RYR3: variants seen among roughly 807,000 people sequenced by gnomAD.
RYR3 encodes the protein brain ryanodine receptor-calcium release channel.
A neutral mutation model predicts 584.3 loss-of-function variants in RYR3; 207 were observed. The observed-to-expected ratio is 0.35, with a 90% confidence interval of 0.32 to 0.40. RYR3 has a LOEUF of 0.40. Among genes scored for constraint, RYR3 ranks in the 10% least tolerant of loss-of-function variants. RYR3 has a pLI of 1.00. For missense variants in RYR3, 5,616 were observed against 6,089.2 expected (o/e 0.92, Z 2.59); for synonymous variants, 2,416 against 2,248.5 (o/e 1.07, Z -2.11).
chr15:33,443,404 C>T lies in RYR3; in HGVS notation c.52-30015C>T, dbSNP rs961539787. Among the ~76,000 whole-genome samples, 9 of 152,158 alleles carry T rather than the reference C, an allele frequency of 5.9e-5. No homozygotes were observed. In the East Asian group the frequency reaches 1.5e-3, roughly 26 times the overall value. Reference sequence around the variant, plus strand: ...GATAGGCTACCAGCAACATTAAGAACACGACATAATTTGATTATGATGAGC... The same window carrying T: ...GATAGGCTACCAGCAACATTAAGAATACGACATAATTTGATTATGATGAGC... On this transcript the variant is annotated intron_variant, in intron 1 of 103. Coordinates refer to ENST00000634891, the MANE Select transcript of RYR3 (RefSeq NM_001036.6).
rs769688036 is a variant in RYR3, at chr15:33,827,293, T to C, written c.11334+6T>C. ...ACTACCTTCTGCGTCTGCAGGTGAG[T>C]GGGAGGGCCTTGGACAATGGGACCT... On this transcript the variant is annotated splice_donor_region_variant and intron_variant, in intron 85 of 103. Transcript: ENST00000634891. 1 of 1,551,758 alleles carries C rather than the reference T, an allele frequency of 6.4e-7. No homozygotes were observed. The highest frequency in any genetic ancestry group is 1.2e-5 in the South Asian group (1 of 84,028).
At chr15:33,685,080 A>C (rs560973699) in intron 38 of RYR3, among the ~76,000 whole-genome samples, 1 of 152,224 alleles carries the variant, frequency 6.6e-6, no homozygotes, top group Non-Finnish European at 1.5e-5. Context: ...GACAGGATCA[A>C]ATTCACACAT....
At chr15:33,343,694 A>G (rs186349164) in intron 1 of RYR3, among the ~76,000 whole-genome samples, 39 of 152,196 alleles carry the variant, frequency 2.6e-4, no homozygotes, top group African/African-American at 8.9e-4. Context: ...TTTTCAAAAT[A>G]CTTTGCCAAT....
At chr15:33,462,286 T>C (rs2676092) in intron 1 of RYR3, among the ~76,000 whole-genome samples, 14,489 of 152,200 alleles carry the variant, frequency 0.095, 800 homozygotes, top group African/African-American at 0.14. Flanking sequence ...AACATGTCAG[T>C]AAATTGCAGT....
At chr15:33,746,247 T>A (rs2152842667) in intron 53 of RYR3, 90 bp downstream of exon 53, 2 of 884,910 alleles carry the variant, frequency 2.3e-6, no homozygotes, top group East Asian at 2.6e-5. Context: ...ACATTCACTC[T>A]CACGTCCCTA....
At chr15:33,511,692 G>T (rs2053025158) in intron 3 of RYR3, among the ~76,000 whole-genome samples, 1 of 152,078 alleles carries the variant, frequency 6.6e-6, no homozygotes, top group African/African-American at 2.4e-5. Context: ...TCGCCAGGCA[G>T]TTTGTTTTAC....
chr15:33,615,902 C>T (rs12593288), intron 19 of RYR3, among the ~76,000 whole-genome samples: 27,262 of 152,182 alleles, frequency 0.18, 3,255 homozygotes, highest in East Asian at 0.52. Flanking sequence ...TTCCCCACTC[C>T]ACTCCTTAGG....
chr15:33,405,606 G>A (rs959267335), intron 1 of RYR3, among the ~76,000 whole-genome samples: 2 of 152,194 alleles, frequency 1.3e-5, no homozygotes, highest in Admixed American at 1.3e-4. Flanking sequence ...TTGACTAGCT[G>A]ATGCTTCACT....
At chr15:33,775,055 C>G (rs1411140907) in intron 64 of RYR3, among the ~76,000 whole-genome samples, 5 of 150,942 alleles carry the variant, frequency 3.3e-5, no homozygotes, top group Non-Finnish European at 5.9e-5. Flanking sequence ...GTCAAAAAGT[C>G]AACTCTGAAG....
chr15:33,644,628 G>A (rs2061997917), intron 28 of RYR3, 109 bp downstream of exon 28: 4 of 772,462 alleles, frequency 5.2e-6, no homozygotes, highest in Non-Finnish European at 8.6e-6. Context: ...CTATGCCCTG[G>A]CCACTTACCA....
chr15:33,380,345 G>A (rs1275574553), intron 1 of RYR3, among the ~76,000 whole-genome samples: 1 of 152,178 alleles, frequency 6.6e-6, no homozygotes, highest in Non-Finnish European at 1.5e-5. Flanking sequence ...GGCAGGAGGT[G>A]GGACTGGGGA....
At chr15:33,694,474 G>A (rs1210532954) in intron 38 of RYR3, among the ~76,000 whole-genome samples, 1 of 152,070 alleles carries the variant, frequency 6.6e-6, no homozygotes, top group Non-Finnish European at 1.5e-5. Flanking sequence ...TCCTTCTCCT[G>A]ACCTCGTGAT....
intron 10 of RYR3, 125 bp from the exon 11 acceptor site, chr15:33,562,712 C>T (rs996978185): frequency 9.2e-6 from 6 of 655,072 alleles, no homozygotes; most frequent in Non-Finnish European, 1.6e-5. Context: ...TGGACAGGCA[C>T]ATCATGATTA....
rs112518422 is a variant in RYR3 at position 33,648,958 on chromosome 15, GA to G, written c.3979-106del. On this transcript the variant is annotated intron_variant, in intron 30 of 103. Transcript: ENST00000634891. ...ACCTCTACTAGTGTGCACTTTTCCA[GA>G]AAAAAAAGGGGGGGCCAAGTGAGCT... 2.2e-4 allele frequency: 230 copies of G among 1,036,802 alleles called. 1 individual carries two copies. Among genetic ancestry groups the G allele is most frequent in the African/African-American group, 2.1e-3 (133 of 63,276 alleles). 64.2% of individuals were successfully genotyped at this position (1,036,802 alleles called of 1,614,324 possible).
In RYR3 at chr15:33,561,702, C is replaced by T. The variant is rs569024052; in HGVS notation, c.973-1135C>T. On this transcript the variant is annotated intron_variant, in intron 10 of 103. Transcript: ENST00000634891. ...ATCAGCCTGGGCAACATGGGGAAAC[C>T]CTGTCTCTGCAAAACACAAAACAAC... Among the ~76,000 whole-genome samples the T allele has an allele frequency of 2.4e-4, 35 of 145,672 alleles. No individual in the cohort carries two copies. The South Asian group carries it at 2.8e-3, about 12-fold the overall frequency.
intron 66 of RYR3, among the ~76,000 whole-genome samples, chr15:33,786,733 C>CT (rs2074742775): frequency 6.6e-6 from 1 of 152,086 alleles, no homozygotes; most frequent in Admixed American, 6.6e-5. Context: ...TAGTGGAGTC[C>CT]ACCAGTAACA....
Position 33,760,986 on chromosome 15 carries a change from C to T in RYR3, c.8705+3390C>T, listed in dbSNP as rs2072376485. 2.0e-5 allele frequency among the ~76,000 whole-genome samples: 3 copies of T among 152,212 alleles called. No homozygotes were observed. The South Asian group carries it at 6.2e-4, about 32-fold the overall frequency. On this transcript the variant is annotated intron_variant, in intron 60 of 103. Coordinates refer to ENST00000634891, the MANE Select transcript of RYR3 (RefSeq NM_001036.6). ...AAGAACATGGAAACCAAACAACCTA[C>T]TCCTCAATGACTACTGGGTAAATAA...
At chr15:33,753,311 A>T (rs577145824) in intron 57 of RYR3, among the ~76,000 whole-genome samples, 4 of 152,202 alleles carry the variant, frequency 2.6e-5, no homozygotes, top group East Asian at 1.9e-4. Context: ...GAACAAAGGG[A>T]ATTGATTATT....
rs563551314 is a variant in RYR3 at position 33,583,117 on chromosome 15, G to C, written c.1574-1278G>C. ...CAGCTGGAGAGCTGGTTACAATACAGATGCCGAGGCCCACCCCCAGAGTTT... is the reference window on the plus strand; with the variant it reads ...CAGCTGGAGAGCTGGTTACAATACACATGCCGAGGCCCACCCCCAGAGTTT... On this transcript the variant is annotated intron_variant, in intron 14 of 103. Transcript: ENST00000634891. 7.2e-5 allele frequency among the ~76,000 whole-genome samples: 11 copies of C among 152,286 alleles called. No homozygotes were observed. In the South Asian group the frequency reaches 1.9e-3, roughly 26 times the overall value.
Sources: gnomAD v4.1 joint callset for allele counts (sites outside exome capture counted in the v4.1 genomes callset) on GRCh38, gnomAD v4.1.1 for gene constraint, MANE v1.5 for transcripts, NCBI Gene and HGNC (gene_info 2026-07-23, HGNC 2026-07-21) for gene names.